The following PLCL1 variants were observed in gnomAD, a reference collection of about 807,000 sequenced individuals.
PLCL1 encodes phospholipase C like 1 (inactive), also known as inactive phospholipase C-like protein 1.
In PLCL1, 41 loss-of-function variants were observed where a neutral mutation model predicts 84.4. The ratio of observed to expected loss-of-function variants is 0.49; its 90% CI spans 0.38 to 0.63. PLCL1 has a LOEUF of 0.63. PLCL1 is among the 30% of genes least tolerant of loss of function. PLCL1 has a pLI of 0.00. For missense variants in PLCL1, 1,206 were observed against 1,367.8 expected (o/e 0.88, Z 1.87); for synonymous variants, 490 against 488.3 (o/e 1.00, Z -0.05).
At chr2:197,885,989 G>A (rs1008482225) in intron 1 of PLCL1, among the ~76,000 whole-genome samples, 5 of 152,168 alleles carry the variant, frequency 3.3e-5, no homozygotes, top group Admixed American at 6.5e-5. Flanking sequence ...CTTGTTGAAA[G>A]AATGGTGAAT....
chr2:197,948,504 G>T (rs143594329), intron 1 of PLCL1, among the ~76,000 whole-genome samples: 1 of 151,920 alleles, frequency 6.6e-6, no homozygotes, highest in Non-Finnish European at 1.5e-5. Context: ...GTAATGTGTG[G>T]CTTAATTTTT....
At chr2:197,980,122 G>A (rs976894729) in intron 1 of PLCL1, among the ~76,000 whole-genome samples, 1 of 152,140 alleles carries the variant, frequency 6.6e-6, no homozygotes, top group Non-Finnish European at 1.5e-5. Context: ...TGCAGAAAGC[G>A]GAAGAGAAGA....
rs112886017 is a variant in PLCL1, at chr2:198,009,858, G to A, written c.241-73900G>A. Among the ~76,000 whole-genome samples, 1,452 of 151,968 alleles carry A rather than the reference G, an allele frequency of 9.6e-3. 22 individuals are homozygous for A. Among genetic ancestry groups the A allele is most frequent in the African/African-American group, 0.031 (1,296 of 41,514 alleles). On this transcript the variant is annotated intron_variant, in intron 1 of 5. Coordinates refer to ENST00000428675, the MANE Select transcript of PLCL1 (RefSeq NM_006226.4). ...CTTGTATCTTCTTTGATTTCTTTTT[G>A]CAATGTTTTGTAGTTCTCAGTGTAT...
At chr2:198,068,841 G>C (rs1692378878) in intron 1 of PLCL1, among the ~76,000 whole-genome samples, 1 of 152,118 alleles carries the variant, frequency 6.6e-6, no homozygotes. Flanking sequence ...GAACAACATG[G>C]AGAAACCCCA....
intron 1 of PLCL1, among the ~76,000 whole-genome samples, chr2:197,808,307 G>C (rs906925456): frequency 1.3e-5 from 2 of 152,076 alleles, no homozygotes; most frequent in African/African-American, 4.8e-5. Context: ...TGACAAGTTG[G>C]ATACCTGCAG....
intron 5 of PLCL1, among the ~76,000 whole-genome samples, chr2:198,116,254 T>A (rs1574323967): frequency 6.6e-6 from 1 of 151,762 alleles, no homozygotes; most frequent in African/African-American, 2.4e-5. Flanking sequence ...AGATACAATG[T>A]GCTCAAAGAT....
At chr2:198,041,926 A>G (rs1559083548) in intron 1 of PLCL1, among the ~76,000 whole-genome samples, 1 of 152,184 alleles carries the variant, frequency 6.6e-6, no homozygotes, top group Non-Finnish European at 1.5e-5. Context: ...CAAAAAAATA[A>G]AGTTGGGTAT....
chr2:197,935,675 C>CG (rs1689037781), intron 1 of PLCL1, among the ~76,000 whole-genome samples: 1 of 152,074 alleles, frequency 6.6e-6, no homozygotes, highest in Non-Finnish European at 1.5e-5. Context: ...TGCTTATTAC[C>CG]GGGGTGACAA....
At chr2:197,832,290 C>G (rs1691083825) in intron 1 of PLCL1, among the ~76,000 whole-genome samples, 1 of 151,966 alleles carries the variant, frequency 6.6e-6, no homozygotes, top group Non-Finnish European at 1.5e-5. Flanking sequence ...AGAGAAGAAT[C>G]AAATAGACAC....
chr2:197,905,275 T>G (rs950005088), intron 1 of PLCL1, among the ~76,000 whole-genome samples: 14 of 152,288 alleles, frequency 9.2e-5, no homozygotes, highest in African/African-American at 3.4e-4. Context: ...GGCCCCAGTG[T>G]GTGATGTTCC....
At chr2:198,051,774 C>T (rs1456197611) in intron 1 of PLCL1, among the ~76,000 whole-genome samples, 3 of 152,232 alleles carry the variant, frequency 2.0e-5, no homozygotes, top group African/African-American at 7.2e-5. Context: ...CTTGCTCTGT[C>T]GCCAGGCTGG....
intron 1 of PLCL1, among the ~76,000 whole-genome samples, chr2:197,854,109 G>A (rs1021105966): frequency 6.6e-6 from 1 of 152,110 alleles, no homozygotes; most frequent in African/African-American, 2.4e-5. Context: ...GAGTTCAGAG[G>A]TTCCGTGAGG....
chr2:197,831,637 C>T (rs1228964966), intron 1 of PLCL1, among the ~76,000 whole-genome samples: 1 of 152,136 alleles, frequency 6.6e-6, no homozygotes, highest in African/African-American at 2.4e-5. Context: ...CAAATATATT[C>T]AGGACTTGAA....
intron 1 of PLCL1, among the ~76,000 whole-genome samples, chr2:198,016,117 G>A (rs1690992005): frequency 6.6e-6 from 1 of 152,186 alleles, no homozygotes; most frequent in Non-Finnish European, 1.5e-5. Context: ...GCCTCACTCA[G>A]TGGGGAGGTA....
chr2:198,046,949 C>A (rs1008596361), intron 1 of PLCL1, among the ~76,000 whole-genome samples: 1 of 152,108 alleles, frequency 6.6e-6, no homozygotes, highest in Non-Finnish European at 1.5e-5. Context: ...CTAAAGTTCT[C>A]AAAATTGCAA....
chr2:198,084,771 A>G lies in PLCL1; in HGVS notation c.1254A>G (p.Ile418Met), dbSNP rs1692817642. 6.2e-7 allele frequency: 1 copy of G among 1,614,150 alleles called. No homozygotes were observed. Among genetic ancestry groups the G allele is most frequent in the Non-Finnish European group, 8.5e-7 (1 of 1,179,988 alleles). Residue 418 changes from isoleucine to methionine, a missense_variant, in exon 2 of 6, where the codon ATA becomes ATG. Transcript: ENST00000428675. ...YINASHNTYL[I>M]EDQFRGPADI... ...ATGCCTCTCATAACACCTATCTAAT[A>G]GAAGACCAGTTCAGGGGGCCAGCTG...
intron 1 of PLCL1, 72 bp from the exon 2 acceptor site, chr2:198,083,686 G>A: frequency 3.2e-6 from 3 of 948,710 alleles, no homozygotes; most frequent in Non-Finnish European, 4.7e-6. Context: ...AGTTTGAGGA[G>A]TTCATAGAGT....
chr2:197,887,636 A>G (rs1687946771), intron 1 of PLCL1, among the ~76,000 whole-genome samples: 2 of 152,150 alleles, frequency 1.3e-5, no homozygotes, highest in African/African-American at 4.8e-5. Context: ...AAGCACAGTT[A>G]TGTTACATGA....
chr2:198,053,359 G>C (rs907793477), intron 1 of PLCL1, among the ~76,000 whole-genome samples: 3 of 152,206 alleles, frequency 2.0e-5, no homozygotes, highest in Non-Finnish European at 2.9e-5. Context: ...GGGCAGGCAA[G>C]CACAGCTGCT....
Sources: gnomAD v4.1 joint callset for allele counts (sites outside exome capture counted in the v4.1 genomes callset) on GRCh38, gnomAD v4.1.1 for gene constraint, MANE v1.5 for transcripts, NCBI Gene and HGNC (gene_info 2026-07-23, HGNC 2026-07-21) for gene names.